Variants in GRIK3 observed in about 807,000 individuals in gnomAD.
The protein encoded by GRIK3 is glutamate receptor ionotropic, kainate 3.
In GRIK3, 29 loss-of-function variants were observed where a neutral mutation model predicts 102.5. That is an observed-to-expected ratio of 0.28 (90% CI 0.21 to 0.39). GRIK3 has a LOEUF of 0.39. Among genes scored for constraint, GRIK3 ranks in the 10% least tolerant of loss-of-function variants. The pLI is 1.00. For missense variants in GRIK3, 908 were observed against 1,252.4 expected, an observed-to-expected ratio of 0.73 and a Z score of 4.15; for synonymous variants, 511 against 504.9, an observed-to-expected ratio of 1.01 and a Z score of -0.16.
intron 1 of GRIK3, among the ~76,000 whole-genome samples, chr1:36,903,601 G>A (rs1641254255): frequency 6.6e-6 from 1 of 152,128 alleles, no homozygotes; most frequent in South Asian, 2.1e-4. Context: ...TACACAAACT[G>A]GCTACATCCA....
intron 1 of GRIK3, among the ~76,000 whole-genome samples, chr1:36,958,508 G>A (rs897281604): frequency 4.7e-5 from 7 of 147,440 alleles, no homozygotes; most frequent in Non-Finnish European, 9.0e-5. Context: ...TGCTCCATGA[G>A]TCTGTGCCCC....
At chr1:36,937,092 C>T (rs541062453) in intron 1 of GRIK3, among the ~76,000 whole-genome samples, 2 of 152,150 alleles carry the variant, frequency 1.3e-5, no homozygotes, top group Admixed American at 6.5e-5. Context: ...CAGGGCCCTT[C>T]AAATTGTAGT....
intron 7 of GRIK3, among the ~76,000 whole-genome samples, chr1:36,854,843 G>A (rs1485060784): frequency 2.0e-5 from 3 of 152,296 alleles, no homozygotes; most frequent in South Asian, 4.1e-4. Flanking sequence ...GCCACGCAAG[G>A]ATCATGGTTC....
chr1:36,860,271 C>A (rs187161123), intron 5 of GRIK3, among the ~76,000 whole-genome samples: 3 of 152,316 alleles, frequency 2.0e-5, no homozygotes, highest in African/African-American at 7.2e-5. Context: ...GTTTCTTCAT[C>A]CACAAATGGG....
chr1:36,840,465 C>A (rs476103), intron 10 of GRIK3, among the ~76,000 whole-genome samples: 2 of 148,618 alleles, frequency 1.3e-5, no homozygotes, highest in Admixed American at 1.4e-4. Context: ...GTAATCTCAG[C>A]ACTTTGGGAG....
chr1:36,850,893 G>A lies in GRIK3; in HGVS notation c.1213-469C>T, dbSNP rs1226482767. 6.6e-6 allele frequency among the ~76,000 whole-genome samples: 1 copy of A among 152,244 alleles called. No individual in the cohort carries two copies. The highest frequency in any genetic ancestry group is 1.5e-5 in the Non-Finnish European group (1 of 68,046). Reference sequence around the variant, plus strand: ...CTGGGAAATGCTGCTGGGTTTAAAGGCAGTTTGCTTTGTGGTTTTACATTT... The same window carrying A: ...CTGGGAAATGCTGCTGGGTTTAAAGACAGTTTGCTTTGTGGTTTTACATTT... On this transcript the variant is annotated intron_variant, in intron 8 of 15. Transcript: ENST00000373091. The surrounding 1 kb of genome is among the most constrained non-coding windows in gnomAD (Gnocchi z 4.0).
At chr1:36,873,887 G>T (rs1035867074) in intron 3 of GRIK3, among the ~76,000 whole-genome samples, 4 of 152,160 alleles carry the variant, frequency 2.6e-5, no homozygotes, top group African/African-American at 7.2e-5. Context: ...AAATATGGAG[G>T]TTGTAAGTCC....
intron 1 of GRIK3, among the ~76,000 whole-genome samples, chr1:36,917,057 C>T (rs914436434): frequency 5.9e-5 from 9 of 152,284 alleles, no homozygotes; most frequent in African/African-American, 1.4e-4. Flanking sequence ...GAGCTGCCAA[C>T]GACCATGGGA....
At chr1:36,960,357 G>A (rs1350711071) in intron 1 of GRIK3, among the ~76,000 whole-genome samples, 3 of 152,174 alleles carry the variant, frequency 2.0e-5, no homozygotes, top group Non-Finnish European at 4.4e-5. Context: ...TGCCCCATGA[G>A]CTTGTGTGCC....
intron 1 of GRIK3, among the ~76,000 whole-genome samples, chr1:36,951,014 T>C (rs558248758): frequency 6.6e-6 from 1 of 152,252 alleles, no homozygotes; most frequent in South Asian, 2.1e-4. Context: ...GTGGAACAAA[T>C]GTGCTCAGAC....
chr1:37,031,446 C>T (rs1417283740), intron 1 of GRIK3, among the ~76,000 whole-genome samples: 3 of 152,228 alleles, frequency 2.0e-5, no homozygotes, highest in African/African-American at 7.2e-5. Flanking sequence ...CTATCCATCT[C>T]CTTGTCTAAG....
Position 36,891,086 on chromosome 1 carries a change from G to A in GRIK3, c.126C>T (p.Phe42=), listed in dbSNP as rs779625285. 11 of 1,611,750 alleles carry A rather than the reference G, an allele frequency of 6.8e-6. No individual in the cohort carries two copies. The highest frequency in any genetic ancestry group is 4.5e-5 in the East Asian group (2 of 44,884). Residue 42 remains phenylalanine, a synonymous_variant, in exon 2 of 16, where the codon TTC becomes TTT. Transcript: ENST00000373091. The part of the protein sequence containing the change: ...MPHVIRIGGI[F]EYADGPNAQV... ...GGGCGTTGGGGCCGTCCGCATACTC[G>A]AAGATTCCTCCTGTGAAAGATGAGT...
chr1:36,896,223 T>TA (rs1641170026), intron 1 of GRIK3, among the ~76,000 whole-genome samples: 1 of 152,146 alleles, frequency 6.6e-6, no homozygotes, highest in Admixed American at 6.5e-5. Context: ...AGGTAAAATT[T>TA]AAAAAATGTA....
At chr1:36,845,973 C>T (rs201670144) in intron 9 of GRIK3, among the ~76,000 whole-genome samples, 42 of 152,328 alleles carry the variant, frequency 2.8e-4, no homozygotes, top group Non-Finnish European at 5.3e-4. Context: ...TCCAGATACC[C>T]GTGTGTAGCT....
intron 1 of GRIK3, among the ~76,000 whole-genome samples, chr1:36,988,441 G>A (rs538222435): frequency 2.5e-4 from 38 of 152,354 alleles, no homozygotes; most frequent in South Asian, 2.5e-3. Context: ...ATCTGCAGGC[G>A]TTGGGAACAC....
intron 13 of GRIK3, among the ~76,000 whole-genome samples, chr1:36,815,647 C>T (rs1291676118): frequency 6.6e-6 from 1 of 152,202 alleles, no homozygotes; most frequent in Non-Finnish European, 1.5e-5. Context: ...AGAACCTGGA[C>T]CAGCAGCTGC....
intron 13 of GRIK3, among the ~76,000 whole-genome samples, chr1:36,814,515 C>A (rs899426907): frequency 1.5e-5 from 2 of 133,422 alleles, no homozygotes; most frequent in African/African-American, 5.6e-5. Context: ...ATAGACCCCC[C>A]CCCCCCACAC....
rs1165999291 is a variant in GRIK3 at position 36,800,442 on chromosome 1, T to A, written c.*1409A>T. 6.6e-6 allele frequency: 1 copy of A among 152,268 alleles called. No homozygotes were observed. The highest frequency in any genetic ancestry group is 1.5e-5 in the Non-Finnish European group (1 of 68,074). 9.4% of individuals were successfully genotyped at this position (152,268 alleles called of 1,614,324 possible). On this transcript the variant is annotated 3_prime_UTR_variant, in exon 16 of 16. Transcript: ENST00000373091. ...AGCATTCATCACAGCAAGCTGGAAC[T>A]CATAGGTCCACCCCCTGGCTGGTAC...
At chr1:37,030,791 GC>G (rs1446994665) in intron 1 of GRIK3, among the ~76,000 whole-genome samples, 2 of 152,034 alleles carry the variant, frequency 1.3e-5, no homozygotes, top group African/African-American at 4.8e-5. Context: ...GCATAACAGT[GC>G]CCGCCAGCCT....
Sources: gnomAD v4.1 joint callset for allele counts (sites outside exome capture counted in the v4.1 genomes callset) on GRCh38, gnomAD v4.1.1 for gene constraint, Gnocchi (gnomAD v3.1) non-coding constraint, MANE v1.5 for transcripts, NCBI Gene and HGNC (gene_info 2026-07-23, HGNC 2026-07-21) for gene names.